Variants in VIT observed in about 807,000 individuals in gnomAD.
VIT encodes vitrin.
Under a neutral mutation model 78.0 loss-of-function variants are expected in VIT, and 99 were observed. That is an observed-to-expected ratio of 1.27 (90% CI 1.08 to 1.50). VIT has a LOEUF of 1.50. Ranked by LOEUF, VIT falls within the 40% of genes most tolerant of loss-of-function variation. The pLI, the probability that VIT is intolerant of heterozygous loss-of-function variation, is 0.00. For synonymous variants in VIT, 374 were observed against 334.3 expected (o/e 1.12, Z -1.29); for missense variants, 1,126 against 875.3 (o/e 1.29, Z -3.61).
chr2:36,756,698 G>A (rs1175259969), intron 5 of VIT, among the ~76,000 whole-genome samples: 1 of 152,086 alleles, frequency 6.6e-6, no homozygotes, highest in Non-Finnish European at 1.5e-5. Flanking sequence ...AGTACTGTGG[G>A]GTTTTTGCCT....
intron 7 of VIT, among the ~76,000 whole-genome samples, chr2:36,771,050 AC>A (rs1669720000): frequency 2.0e-5 from 3 of 152,210 alleles, no homozygotes; most frequent in Admixed American, 1.3e-4. Flanking sequence ...AGTTTCCCTT[AC>A]CAACACTCAT....
At chr2:36,754,294 C>G (rs1668637518) in intron 4 of VIT, among the ~76,000 whole-genome samples, 2 of 129,660 alleles carry the variant, frequency 1.5e-5, no homozygotes, top group African/African-American at 5.2e-5. Context: ...GACTCTGGGG[C>G]AAGAAATGAC....
chr2:36,717,928 A>G (rs1319963918), intron 2 of VIT, among the ~76,000 whole-genome samples: 7 of 152,156 alleles, frequency 4.6e-5, no homozygotes, highest in African/African-American at 1.7e-4. Context: ...AATCTGTTCC[A>G]TGTCTCTCTC....
intron 4 of VIT, among the ~76,000 whole-genome samples, chr2:36,743,480 C>T (rs989327922): frequency 1.3e-5 from 2 of 152,102 alleles, no homozygotes; most frequent in Admixed American, 1.3e-4. Flanking sequence ...TTCATTGTCT[C>T]CTTGCATAGT....
chr2:36,726,744 G>A (rs1045054961), intron 2 of VIT, among the ~76,000 whole-genome samples: 17 of 149,902 alleles, frequency 1.1e-4, no homozygotes, highest in Non-Finnish European at 1.3e-4. Flanking sequence ...ACTTGAACCC[G>A]GGAGGCGGAG....
At chr2:36,796,500 C>G (rs1045281289) in intron 12 of VIT, among the ~76,000 whole-genome samples, 3 of 152,132 alleles carry the variant, frequency 2.0e-5, no homozygotes, top group Non-Finnish European at 4.4e-5. Flanking sequence ...GGGAAAGAGA[C>G]AGGGAATCGA....
chr2:36,809,588 T>A (rs1350150473), intron 15 of VIT, among the ~76,000 whole-genome samples: 2 of 152,124 alleles, frequency 1.3e-5, no homozygotes, highest in African/African-American at 2.4e-5. Flanking sequence ...CGGCTAATTT[T>A]TGTATTTTTA....
At chr2:36,732,719 A>C (rs980700832) in intron 3 of VIT, among the ~76,000 whole-genome samples, 1 of 152,202 alleles carries the variant, frequency 6.6e-6, no homozygotes, top group Non-Finnish European at 1.5e-5. Context: ...TCACAATCAA[A>C]GGTGGAAGAA....
rs79954935 is a variant in VIT at position 36,803,295 on chromosome 2, T to C, written c.1162+1891T>C. 1.2e-3 allele frequency among the ~76,000 whole-genome samples: 177 copies of C among 152,342 alleles called. 4 individuals carry two copies. In the East Asian group the frequency reaches 0.03, roughly 26 times the overall value. ...CCTCACTTTTATCTTCTAAATCTCA[T>C]GCAAGTGCATCAATTCATGGAACTA... On this transcript the variant is annotated intron_variant, in intron 13 of 15. Coordinates refer to ENST00000379242, the MANE Select transcript of VIT (RefSeq NM_053276.4).
At chr2:36,779,871 C>T (rs1161900090) in intron 9 of VIT, among the ~76,000 whole-genome samples, 1 of 152,192 alleles carries the variant, frequency 6.6e-6, no homozygotes, top group Non-Finnish European at 1.5e-5. Context: ...AAGTCTCCTC[C>T]ATGTGACAGT....
At chr2:36,718,403 C>T (rs1666296524) in intron 2 of VIT, among the ~76,000 whole-genome samples, 1 of 152,080 alleles carries the variant, frequency 6.6e-6, no homozygotes, top group Non-Finnish European at 1.5e-5. Context: ...GTCCTGACTC[C>T]ACCATCAACT....
At chr2:36,754,796 TA>T in intron 4 of VIT, 124 bp from the exon 5 acceptor site, 1 of 1,082,102 alleles carries the variant, frequency 9.2e-7, no homozygotes, top group Non-Finnish European at 1.3e-6. Context: ...CATGTCAAGG[TA>T]AACTTTGCTT....
rs147276376 is a variant in VIT at position 36,805,496 on chromosome 2, C to A, written c.1221C>A (p.Ser407Arg). The A allele has an allele frequency of 6.2e-7, 1 of 1,613,764 alleles. No individual in the cohort carries two copies. The highest frequency in any genetic ancestry group is 8.5e-7 in the Non-Finnish European group (1 of 1,179,930). ...TTTCCAAAGCCAATGGAAACAGAAG[C>A]GGGGCTCCCAATGTGGTGGTGGTGA... ...NFFSKANGNR[S>R]GAPNVVVVMV... The change falls in exon 14 of 16, where the codon AGC (serine) becomes AGA (arginine). Residue 407 changes from serine to arginine, a missense_variant. Physicochemically the swap from Ser to Arg is moderately radical, Grantham distance 110. Coordinates refer to ENST00000379242, the MANE Select transcript of VIT (RefSeq NM_053276.4).
chr2:36,699,643 T>TAGATAGATAGAC (rs1664917997), intron 1 of VIT, among the ~76,000 whole-genome samples: 1 of 151,092 alleles, frequency 6.6e-6, no homozygotes, highest in African/African-American at 2.5e-5. Flanking sequence ...GATAGATAGA[T>TAGATAGATAGAC]AGATAGATAG....
rs1668838009 is a variant in VIT at position 36,757,464 on chromosome 2, A to AG, written c.410-1505_410-1504insG. ...TCCTTTTCCTTCTGAATAGAAACAGAAAAAAAAATCACGTTTTAGATCAAT... is the reference window on the plus strand; with the variant it reads ...TCCTTTTCCTTCTGAATAGAAACAGAGAAAAAAAATCACGTTTTAGATCAAT... On this transcript the variant is annotated intron_variant, in intron 5 of 15. Coordinates refer to ENST00000379242, the MANE Select transcript of VIT (RefSeq NM_053276.4). Among the ~76,000 whole-genome samples, 3 of 2,814 alleles carry AG rather than the reference A, an allele frequency of 1.1e-3. No individual in the cohort carries two copies. The South Asian group carries it at 0.035, about 33-fold the overall frequency. 1.8% of individuals were successfully genotyped at this position (2,814 alleles called of 152,430 possible). A position where few individuals can be genotyped will look rare whatever the true frequency, so the allele number is the denominator to read the frequency against.
Position 36,781,782 on chromosome 2 carries a change from A to T in VIT, c.847+11A>T. The T allele has an allele frequency of 6.2e-7, 1 of 1,614,158 alleles. No homozygotes were observed. Among genetic ancestry groups the T allele is most frequent in the Non-Finnish European group, 8.5e-7 (1 of 1,180,012 alleles). On this transcript the variant is annotated intron_variant, in intron 10 of 15. Coordinates refer to ENST00000379242, the MANE Select transcript of VIT (RefSeq NM_053276.4). ...TCCTTTTAGATGAAGGTAATTATAC[A>T]GCCCAACCTCTCAGCCACGCGTGGA...
rs1472801047 is a variant in VIT at position 36,696,839 on chromosome 2, T to C, written c.-153T>C. The stretch of plus-strand genomic sequence containing the variant: ...GCTCCTCTGAGAAGAAGAGAAAAGG[T>C]TCTTGGACCTCTCCCTGTTTCTTCC... On this transcript the variant is annotated 5_prime_UTR_variant, in exon 1 of 16. Transcript: ENST00000379242. 2 of 152,104 alleles carry C rather than the reference T, an allele frequency of 1.3e-5. No homozygotes were observed. Among genetic ancestry groups the C allele is most frequent in the African/African-American group, 4.8e-5 (2 of 41,392 alleles). The allele number at this position is 152,104 out of a possible 1,614,324, so 9.4% of individuals were successfully genotyped here.
intron 1 of VIT, among the ~76,000 whole-genome samples, chr2:36,712,940 G>A (rs1303993727): frequency 6.6e-6 from 1 of 152,222 alleles, no homozygotes; most frequent in Non-Finnish European, 1.5e-5. Context: ...GGAAAAGGGA[G>A]AGCGCTCATT....
At chr2:36,790,301 C>T (rs575101527) in intron 12 of VIT, among the ~76,000 whole-genome samples, 1 of 152,104 alleles carries the variant, frequency 6.6e-6, no homozygotes, top group African/African-American at 2.4e-5. Context: ...CCCTCCTCTG[C>T]CTGCATCTCT....
Sources: allele counts gnomAD v4.1 joint callset (sites outside exome capture counted in the v4.1 genomes callset), GRCh38; gene constraint gnomAD v4.1.1; transcripts MANE v1.5; gene names NCBI Gene and HGNC (gene_info 2026-07-23, HGNC 2026-07-21).